The following SND1 variants were observed in gnomAD, a reference collection of about 807,000 sequenced individuals.
SND1 encodes staphylococcal nuclease and tudor domain containing 1.
Under a neutral mutation model 121.7 loss-of-function variants are expected in SND1, and 38 were observed. The ratio of observed to expected loss-of-function variants is 0.31; its 90% CI spans 0.24 to 0.41. The LOEUF is 0.41. Ranked by LOEUF, SND1 falls within the 10% of genes least tolerant of loss-of-function variation. The pLI is 1.00. For synonymous variants in SND1, 401 were observed against 447.4 expected, an observed-to-expected ratio of 0.90 and a Z score of 1.31; for missense variants, 868 against 1,184.6, an observed-to-expected ratio of 0.73 and a Z score of 3.92.
intron 16 of SND1, among the ~76,000 whole-genome samples, chr7:128,008,909 A>G (rs1317500863): frequency 6.6e-6 from 1 of 152,212 alleles, no homozygotes; most frequent in African/African-American, 2.4e-5. Flanking sequence ...GGAGCTAAAC[A>G]TAGACATGAG....
chr7:128,059,361 C>T (rs1793194875), intron 16 of SND1, among the ~76,000 whole-genome samples: 1 of 152,222 alleles, frequency 6.6e-6, no homozygotes, highest in Non-Finnish European at 1.5e-5. Context: ...AAATCATAGG[C>T]TCTTTGAAGA....
intron 11 of SND1, among the ~76,000 whole-genome samples, chr7:127,836,328 T>C (rs1030270490): frequency 5.9e-5 from 9 of 152,100 alleles, no homozygotes; most frequent in African/African-American, 2.2e-4. Flanking sequence ...CAAAATAGTT[T>C]TGGGGTTTGG....
chr7:127,926,839 C>A (rs1800854091), intron 14 of SND1, among the ~76,000 whole-genome samples: 1 of 151,982 alleles, frequency 6.6e-6, no homozygotes, highest in African/African-American at 2.4e-5. Context: ...GATTTGCCTG[C>A]CTCAGCCTCC....
At chr7:127,802,441 A>G (rs762635440) in intron 10 of SND1, among the ~76,000 whole-genome samples, 8 of 152,312 alleles carry the variant, frequency 5.3e-5, no homozygotes, top group Non-Finnish European at 1.0e-4. Context: ...CTAGATCCAA[A>G]GTGCAAATCT....
chr7:128,050,981 C>T (rs1562882896), intron 16 of SND1, among the ~76,000 whole-genome samples: 1 of 152,194 alleles, frequency 6.6e-6, no homozygotes, highest in Admixed American at 6.5e-5. Flanking sequence ...TGGGCCCATG[C>T]GAGTGGCAGT....
chr7:128,055,548 TTGGGGC>T (rs1202535208), intron 16 of SND1, among the ~76,000 whole-genome samples: 3 of 152,114 alleles, frequency 2.0e-5, no homozygotes, highest in Non-Finnish European at 4.4e-5. Flanking sequence ...ATGATGAGTT[TTGGGGC>T]TGGGCTCATG....
chr7:127,935,484 T>C (rs1411161265), intron 15 of SND1, among the ~76,000 whole-genome samples: 1 of 152,196 alleles, frequency 6.6e-6, no homozygotes, highest in Non-Finnish European at 1.5e-5. Flanking sequence ...GTTTGAAATA[T>C]TGAGAAGCAC....
intron 15 of SND1, among the ~76,000 whole-genome samples, chr7:127,988,302 GGAATGGATGT>G (rs1459501770): frequency 1.3e-5 from 2 of 152,172 alleles, no homozygotes; most frequent in Non-Finnish European, 2.9e-5. Flanking sequence ...CTGCCTGATG[GGAATGGATGT>G]GAATGGATGT....
rs189530217 is a variant in SND1, at chr7:127,971,835, C to T, written c.1670-19112C>T. On this transcript the variant is annotated intron_variant, in intron 15 of 23. Coordinates refer to ENST00000354725, the MANE Select transcript of SND1 (RefSeq NM_014390.4). The stretch of plus-strand genomic sequence containing the variant: ...TCGCCCAGGCTGGAGTGCAGTGGTG[C>T]GATCTCAGCTCACTGCAACCTCTGC... Among the ~76,000 whole-genome samples, 726 of 146,218 alleles carry T rather than the reference C, an allele frequency of 5.0e-3. 4 individuals carry two copies. Among genetic ancestry groups the T allele is most frequent in the Non-Finnish European group, 7.2e-3 (482 of 67,374 alleles).
At chr7:127,848,931 T>C (rs1433233120) in intron 12 of SND1, among the ~76,000 whole-genome samples, 1 of 152,208 alleles carries the variant, frequency 6.6e-6, no homozygotes, top group Non-Finnish European at 1.5e-5. Flanking sequence ...GCTTCCTATC[T>C]GTTTCCCCTG....
intron 10 of SND1, among the ~76,000 whole-genome samples, chr7:127,745,513 A>G (rs1048684923): frequency 6.6e-5 from 10 of 152,002 alleles, no homozygotes; most frequent in Non-Finnish European, 2.9e-5. Flanking sequence ...GCTGTTTTTT[A>G]TTTTCAGAAT....
intron 1 of SND1, among the ~76,000 whole-genome samples, chr7:127,678,368 G>A (rs1032486033): frequency 2.6e-5 from 4 of 152,116 alleles, no homozygotes; most frequent in Admixed American, 1.3e-4. Flanking sequence ...TTTAAACTCC[G>A]TATATGTAAA....
intron 17 of SND1, among the ~76,000 whole-genome samples, chr7:128,080,456 G>A (rs1793578978): frequency 6.6e-6 from 1 of 152,272 alleles, no homozygotes; most frequent in Non-Finnish European, 1.5e-5. Flanking sequence ...CTGGAGGTGA[G>A]GAGGATGGAG....
intron 10 of SND1, among the ~76,000 whole-genome samples, chr7:127,740,077 G>C (rs1796852763): frequency 6.6e-6 from 1 of 152,182 alleles, no homozygotes; most frequent in Admixed American, 6.5e-5. Context: ...TCAGGTTGCT[G>C]TCCATGATTA....
intron 10 of SND1, among the ~76,000 whole-genome samples, chr7:127,804,303 T>G (rs538472685): frequency 6.6e-6 from 1 of 152,274 alleles, no homozygotes; most frequent in African/African-American, 2.4e-5. Context: ...GTATCTTGTT[T>G]TCTGCTTGTG....
intron 14 of SND1, chr7:127,928,158 A>G (rs1800879767): frequency 6.6e-6 from 1 of 152,228 alleles, no homozygotes; most frequent in Non-Finnish European, 1.5e-5. Flanking sequence ...GATAGAGCAC[A>G]CAGACTTTGT....
chr7:128,082,363 G>A (rs1411215666), intron 18 of SND1, among the ~76,000 whole-genome samples: 1 of 152,228 alleles, frequency 6.6e-6, no homozygotes, highest in Non-Finnish European at 1.5e-5. Flanking sequence ...CAGTCCCCCA[G>A]ATGGCAGGAC....
intron 16 of SND1, among the ~76,000 whole-genome samples, chr7:128,059,994 T>G (rs1793205195): frequency 6.6e-6 from 1 of 152,150 alleles, no homozygotes; most frequent in African/African-American, 2.4e-5. Context: ...AGCAAGTGGA[T>G]ATAGGACAAG....
At chr7:127,790,833 C>T (rs1162920781) in intron 10 of SND1, among the ~76,000 whole-genome samples, 1 of 152,116 alleles carries the variant, frequency 6.6e-6, no homozygotes, top group Non-Finnish European at 1.5e-5. Context: ...GCATCTGAGT[C>T]AACAAAATAT....
Sources: gnomAD v4.1 joint callset for allele counts (sites outside exome capture counted in the v4.1 genomes callset) on GRCh38, gnomAD v4.1.1 for gene constraint, MANE v1.5 for transcripts, NCBI Gene and HGNC (gene_info 2026-07-23, HGNC 2026-07-21) for gene names.